Variants in UNC13C observed in about 807,000 individuals in gnomAD.
UNC13C encodes the protein unc-13 homolog C.
Under a neutral mutation model 245.4 loss-of-function variants are expected in UNC13C, and 174 were observed. The ratio of observed to expected loss-of-function variants is 0.71; its 90% CI spans 0.63 to 0.80. UNC13C has a LOEUF of 0.80. UNC13C is among the 30% of genes least tolerant of loss of function. UNC13C has a pLI of 0.00. For missense variants in UNC13C, 2,829 were observed against 2,602.9 expected, an observed-to-expected ratio of 1.09 and a Z score of -1.89; for synonymous variants, 992 against 895.1, an observed-to-expected ratio of 1.11 and a Z score of -1.93.
At position 54,013,263 on chromosome 15, in the gene UNC13C, C is replaced by T; in HGVS notation, c.360C>T (p.Leu120=). 1 of 1,613,684 alleles carries T rather than the reference C, an allele frequency of 6.2e-7. No homozygotes were observed. Among genetic ancestry groups the T allele is most frequent in the East Asian group, 2.2e-5 (1 of 44,866 alleles). Reference sequence around the variant, plus strand: ...ATAATGAGGATCTGCTTCAAGAGCTCTCTTCAATCGAGAGTTCCTACTCAG... The same window carrying T: ...ATAATGAGGATCTGCTTCAAGAGCTTTCTTCAATCGAGAGTTCCTACTCAG... ...NSDNEDLLQE[L]SSIESSYSES... The change falls in exon 2 of 33, where the codon CTC becomes CTT. Residue 120 remains leucine (L), a synonymous_variant. Coordinates refer to ENST00000260323, the MANE Select transcript of UNC13C (RefSeq NM_001080534.3).
At chr15:54,442,936 C>A (rs1890609982) in intron 19 of UNC13C, among the ~76,000 whole-genome samples, 1 of 151,968 alleles carries the variant, frequency 6.6e-6, no homozygotes, top group African/African-American at 2.4e-5. Context: ...CCATAGAATT[C>A]ACTGGAAATA....
At chr15:53,926,641 A>C in the UNC13C span, among the ~76,000 whole-genome samples, 8,380 of 152,306 alleles carry the variant, frequency 0.055, 388 homozygotes, top group East Asian at 0.21. Flanking sequence ...TGTCAGAAAT[A>C]TTGCAAGGCA....
chr15:54,596,752 A>G (rs973739524), intron 30 of UNC13C, among the ~76,000 whole-genome samples: 6 of 152,140 alleles, frequency 3.9e-5, no homozygotes, highest in Non-Finnish European at 8.8e-5. Flanking sequence ...TTATTGCTCT[A>G]TTAGTTCACA....
chr15:54,003,374 C>T (rs1202119475), intron 1 of UNC13C, among the ~76,000 whole-genome samples: 2 of 152,128 alleles, frequency 1.3e-5, no homozygotes, highest in Admixed American at 1.3e-4. Flanking sequence ...ATTGAAAAAG[C>T]AACAGTGCTT....
intron 2 of UNC13C, among the ~76,000 whole-genome samples, chr15:54,026,571 T>A (rs1404658234): frequency 6.6e-6 from 1 of 152,202 alleles, no homozygotes; most frequent in Non-Finnish European, 1.5e-5. Flanking sequence ...TCATCCAGTC[T>A]CCAGCTGATT....
intron 10 of UNC13C, among the ~76,000 whole-genome samples, chr15:54,270,640 G>C (rs573245949): frequency 1.7e-4 from 26 of 151,920 alleles, no homozygotes; most frequent in Non-Finnish European, 3.2e-4. Context: ...GTGAGGCCAA[G>C]GGAGAACCAA....
At chr15:54,304,360 T>G (rs2037667621) in intron 13 of UNC13C, among the ~76,000 whole-genome samples, 1 of 152,090 alleles carries the variant, frequency 6.6e-6, no homozygotes, top group Non-Finnish European at 1.5e-5. Flanking sequence ...GTGACAATAA[T>G]GTGGTAGATT....
At chr15:54,192,637 T>C (rs2034223719) in intron 4 of UNC13C, among the ~76,000 whole-genome samples, 1 of 152,172 alleles carries the variant, frequency 6.6e-6, no homozygotes, top group African/African-American at 2.4e-5. Flanking sequence ...GTTCAGGACA[T>C]ATCTTTTTCA....
At chr15:54,251,108 G>A (rs1270719013) in intron 8 of UNC13C, among the ~76,000 whole-genome samples, 1 of 152,072 alleles carries the variant, frequency 6.6e-6, no homozygotes, top group Non-Finnish European at 1.5e-5. Flanking sequence ...AGGTAAGTGG[G>A]AATATGTAAA....
rs539008447 is a variant in UNC13C, at chr15:54,221,765, T to C, written c.3072-13265T>C. Reference sequence around the variant, plus strand: ...TCTCAGACCCACAGTCTTCAATTAATTCAAGAACTCCTTCAGATACAGAGT... The same window carrying C: ...TCTCAGACCCACAGTCTTCAATTAACTCAAGAACTCCTTCAGATACAGAGT... On this transcript the variant is annotated intron_variant, in intron 4 of 32. Coordinates refer to ENST00000260323, the MANE Select transcript of UNC13C (RefSeq NM_001080534.3). Among the ~76,000 whole-genome samples the C allele has an allele frequency of 1.2e-4, 19 of 152,172 alleles. No individual in the cohort carries two copies. The South Asian group carries it at 3.7e-3, about 30-fold the overall frequency.
At chr15:53,925,370 A>T in the UNC13C span, among the ~76,000 whole-genome samples, 1 of 152,208 alleles carries the variant, frequency 6.6e-6, no homozygotes, top group African/African-American at 2.4e-5. Flanking sequence ...CAAGATTTCA[A>T]ACCCCAAAGG....
At chr15:54,143,927 G>A (rs1438252386) in intron 4 of UNC13C, among the ~76,000 whole-genome samples, 1 of 152,002 alleles carries the variant, frequency 6.6e-6, no homozygotes, top group African/African-American at 2.4e-5. Flanking sequence ...CAACTAACCA[G>A]TTTAACTGTT....
At chr15:54,329,505 T>C (rs1203788475) in intron 14 of UNC13C, among the ~76,000 whole-genome samples, 2 of 152,046 alleles carry the variant, frequency 1.3e-5, no homozygotes, top group African/African-American at 2.4e-5. Context: ...GTTTTAGATA[T>C]TGTGCCATGT....
chr15:54,249,509 T>C (rs2036084838), intron 7 of UNC13C, among the ~76,000 whole-genome samples: 2 of 152,130 alleles, frequency 1.3e-5, no homozygotes, highest in Non-Finnish European at 2.9e-5. Flanking sequence ...AAGAAAAACA[T>C]GGAAGACAGT....
At chr15:54,600,537 A>G (rs548460666) in intron 30 of UNC13C, among the ~76,000 whole-genome samples, 2 of 152,158 alleles carry the variant, frequency 1.3e-5, no homozygotes, top group South Asian at 2.1e-4. Context: ...CTTTGTCCCT[A>G]TGGTACTGAC....
intron 30 of UNC13C, among the ~76,000 whole-genome samples, chr15:54,583,912 A>G (rs1898332118): frequency 6.6e-6 from 1 of 152,214 alleles, no homozygotes; most frequent in African/African-American, 2.4e-5. Context: ...AATCAGCCTA[A>G]GCCACACCCC....
the UNC13C span, among the ~76,000 whole-genome samples, chr15:53,870,942 A>G: frequency 6.6e-6 from 1 of 152,134 alleles, no homozygotes; most frequent in Non-Finnish European, 1.5e-5. Flanking sequence ...GCCCTTGACA[A>G]TAGTGTTGGA....
At chr15:53,849,969 C>T in the UNC13C span, among the ~76,000 whole-genome samples, 2 of 152,204 alleles carry the variant, frequency 1.3e-5, no homozygotes, top group African/African-American at 4.8e-5. Context: ...CGCAGCGTTA[C>T]CACTTACAGC....
intron 13 of UNC13C, among the ~76,000 whole-genome samples, chr15:54,302,173 G>T (rs1396315076): frequency 6.6e-6 from 1 of 152,044 alleles, no homozygotes; most frequent in East Asian, 1.9e-4. Flanking sequence ...TAAGTTCTTT[G>T]TAGATTCTCG....
Sources: allele counts gnomAD v4.1 joint callset (sites outside exome capture counted in the v4.1 genomes callset), GRCh38; gene constraint gnomAD v4.1.1; transcripts MANE v1.5; gene names NCBI Gene and HGNC (gene_info 2026-07-23, HGNC 2026-07-21).